Variants in CNIH3 observed in about 807,000 individuals in gnomAD.
The protein encoded by CNIH3 is protein cornichon homolog 3.
CNIH3 carries 14 observed loss-of-function variants against 24.1 expected under a neutral mutation model. The observed-to-expected ratio is 0.58, with a 90% CI of 0.38 to 0.91. CNIH3 has a LOEUF of 0.91. Among genes scored for constraint, CNIH3 ranks in the 40% least tolerant of loss-of-function variants. The pLI, the probability that CNIH3 is intolerant of heterozygous loss-of-function variation, is 0.00. For missense variants in CNIH3, 178 were observed against 196.8 expected, an observed-to-expected ratio of 0.90 and a Z score of 0.57; for synonymous variants, 68 against 73.8, an observed-to-expected ratio of 0.92 and a Z score of 0.40.
chr1:224,501,583 A>ATT (rs1222035465), intron 1 of CNIH3, among the ~76,000 whole-genome samples: 3 of 140,882 alleles, frequency 2.1e-5, no homozygotes, highest in Non-Finnish European at 3.1e-5. Context: ...TTTATACAGA[A>ATT]TTTTTTTTTT....
Position 224,458,326 on chromosome 1 carries a change from A to G in CNIH3, n.203+23464A>G, listed in dbSNP as rs1675764169. Among the ~76,000 whole-genome samples, 1 of 152,192 alleles carries G rather than the reference A, an allele frequency of 6.6e-6. No homozygotes were observed. On this transcript the variant is annotated intron_variant and non_coding_transcript_variant, in intron 1 of 5. Coordinates refer to the CNIH3 transcript ENST00000471578. The surrounding 1 kb of genome is among the most constrained non-coding windows in gnomAD (Gnocchi z 4.3). ...AGTGCTCTGTCAGTATTGATTCTTC[A>G]GGGGCAGGCTGCCCACTTACCAAAG...
intron 2 of CNIH3, among the ~76,000 whole-genome samples, chr1:224,683,002 A>G (rs6679959): frequency 0.013 from 2,009 of 152,362 alleles, 44 homozygotes; most frequent in African/African-American, 0.046. Flanking sequence ...ATGGCAAAGA[A>G]TAAGGAAATT....
At chr1:224,715,600 G>A (rs1375596083) in intron 3 of CNIH3, among the ~76,000 whole-genome samples, 1 of 152,170 alleles carries the variant, frequency 6.6e-6, no homozygotes, top group African/African-American at 2.4e-5. Context: ...TCATCTGACC[G>A]AAAGGTTGGG....
At chr1:224,460,041 TA>T (rs1487195094) in intron 1 of CNIH3, among the ~76,000 whole-genome samples, 1 of 152,012 alleles carries the variant, frequency 6.6e-6, no homozygotes, top group Non-Finnish European at 1.5e-5. Flanking sequence ...TACACCTGTC[TA>T]ACTTTTGTAC....
intron 1 of CNIH3, among the ~76,000 whole-genome samples, chr1:224,651,347 G>A (rs1282770176): frequency 6.6e-6 from 1 of 152,180 alleles, no homozygotes; most frequent in African/African-American, 2.4e-5. Context: ...ACTTTCATGT[G>A]TCTTTTTACG....
At chr1:224,650,197 A>G (rs1000612995) in intron 1 of CNIH3, among the ~76,000 whole-genome samples, 6 of 152,166 alleles carry the variant, frequency 3.9e-5, no homozygotes, top group Non-Finnish European at 5.9e-5. Flanking sequence ...GCTGGGGAGC[A>G]TCTTCAGGGG....
intron 1 of CNIH3, among the ~76,000 whole-genome samples, chr1:224,464,660 A>G (rs559819934): frequency 7.2e-5 from 11 of 152,230 alleles, no homozygotes; most frequent in African/African-American, 2.4e-4. Context: ...TCTGATTTCC[A>G]TATTCTGTTC....
At chr1:224,635,354 C>T (rs6667034) in intron 1 of CNIH3, among the ~76,000 whole-genome samples, 89,131 of 152,020 alleles carry the variant, frequency 0.59, 28,585 homozygotes, top group African/African-American at 0.85. Flanking sequence ...CCAAACCCTA[C>T]CAAGGGGAGA....
chr1:224,676,822 A>ACT lies in CNIH3; in HGVS notation c.82-4136_82-4135insCT, dbSNP rs1241989209. 2.6e-5 allele frequency among the ~76,000 whole-genome samples: 4 copies of ACT among 152,328 alleles called. No homozygotes were observed. In the East Asian group the frequency reaches 5.8e-4, roughly 22 times the overall value. On this transcript the variant is annotated intron_variant, in intron 1 of 5. Coordinates refer to ENST00000272133, the MANE Select transcript of CNIH3 (RefSeq NM_152495.2). ...AGTGGGGCCCGTGGCTTCTATCCTC[A>ACT]GACAGGTCAGGAGGCTGAAACTGGG...
chr1:224,456,283 C>G (rs555359945), intron 1 of CNIH3, among the ~76,000 whole-genome samples: 2 of 152,204 alleles, frequency 1.3e-5, no homozygotes, highest in South Asian at 4.1e-4. Context: ...ACAAAAAGCT[C>G]CAGTGTGTAG....
intron 3 of CNIH3, among the ~76,000 whole-genome samples, chr1:224,713,060 A>G (rs1688239647): frequency 6.6e-6 from 1 of 152,216 alleles, no homozygotes; most frequent in South Asian, 2.1e-4. Context: ...TCCTTTCAAA[A>G]AAGCCAAGCA....
chr1:224,663,509 A>G (rs1685457771), intron 1 of CNIH3, among the ~76,000 whole-genome samples: 1 of 152,188 alleles, frequency 6.6e-6, no homozygotes, highest in East Asian at 1.9e-4. Flanking sequence ...AATTCCCAAA[A>G]TTGAGAGGAG....
Position 224,740,387 on chromosome 1 carries a change from A to C in CNIH3, c.*1031A>C, listed in dbSNP as rs1445633799. 1 of 152,186 alleles carries C rather than the reference A, an allele frequency of 6.6e-6. No homozygotes were observed. The highest frequency in any genetic ancestry group is 2.4e-5 in the African/African-American group (1 of 41,452). The allele number at this position is 152,186 out of a possible 1,614,324, so 9.4% of individuals were successfully genotyped here. ...TATGATGTTTAAATTGGGCACAATG[A>C]TTTTGACCTTATTCCCCAAACTTCT... is the stretch of plus-strand genomic sequence containing the variant. On this transcript the variant is annotated 3_prime_UTR_variant, in exon 6 of 6. Coordinates refer to ENST00000272133, the MANE Select transcript of CNIH3 (RefSeq NM_152495.2).
intron 1 of CNIH3, among the ~76,000 whole-genome samples, chr1:224,519,398 C>T (rs1173016709): frequency 1.3e-5 from 2 of 152,030 alleles, no homozygotes; most frequent in Non-Finnish European, 2.9e-5. Context: ...CAGACTAGGA[C>T]GGAACTACAC....
intron 1 of CNIH3, among the ~76,000 whole-genome samples, chr1:224,653,196 G>A (rs908025613): frequency 2.6e-5 from 4 of 152,210 alleles, no homozygotes; most frequent in African/African-American, 4.8e-5. Context: ...GCTGAGGCAG[G>A]CGGATCACTT....
downstream of CNIH3, among the ~76,000 whole-genome samples, chr1:224,593,426 A>T (rs899964880): frequency 6.6e-6 from 1 of 152,046 alleles, no homozygotes; most frequent in African/African-American, 2.4e-5. Flanking sequence ...TTACTACTAC[A>T]CATCTGCGGG....
chr1:224,602,554 T>C (rs1682250264), intron 3 of CNIH3, among the ~76,000 whole-genome samples: 1 of 152,170 alleles, frequency 6.6e-6, no homozygotes, highest in African/African-American at 2.4e-5. Context: ...GAATAATAAT[T>C]TTTCCTTCAA....
At chr1:224,524,766 C>G (rs1452357808) in intron 2 of CNIH3, among the ~76,000 whole-genome samples, 1 of 152,162 alleles carries the variant, frequency 6.6e-6, no homozygotes, top group Admixed American at 6.5e-5. Flanking sequence ...ATGATAATAG[C>G]TCCCTGATTT....
chr1:224,713,987 G>T (rs1688295978), intron 3 of CNIH3, among the ~76,000 whole-genome samples: 1 of 151,938 alleles, frequency 6.6e-6, no homozygotes, highest in Admixed American at 6.6e-5. Flanking sequence ...GCTCATTTTT[G>T]TATTTTTTGT....
Sources: allele counts gnomAD v4.1 joint callset (sites outside exome capture counted in the v4.1 genomes callset), GRCh38; gene constraint gnomAD v4.1.1; non-coding constraint Gnocchi (gnomAD v3.1); transcripts MANE v1.5; gene names NCBI Gene and HGNC (gene_info 2026-07-23, HGNC 2026-07-21).